MAML2: variants seen among roughly 807,000 people sequenced by gnomAD.
MAML2 encodes the protein mastermind like transcriptional coactivator 2.
MAML2 carries 22 observed loss-of-function variants against 96.1 expected under a neutral mutation model. The ratio of observed to expected loss-of-function variants is 0.23; its 90% CI spans 0.16 to 0.33. The LOEUF (loss-of-function observed/expected upper bound fraction) is 0.33. Ranked by LOEUF, MAML2 falls within the 10% of genes least tolerant of loss-of-function variation. The pLI is 1.00. For missense variants in MAML2, 1,367 were observed against 1,392.4 expected (o/e 0.98, Z 0.29); for synonymous variants, 561 against 521.3 (o/e 1.08, Z -1.04).
intron 1 of MAML2, among the ~76,000 whole-genome samples, chr11:96,270,953 C>T (rs1162376233): frequency 6.6e-6 from 1 of 152,136 alleles, no homozygotes; most frequent in Admixed American, 6.5e-5. Flanking sequence ...AGGCAGAAGA[C>T]GTTGGAAAGA....
At chr11:96,162,092 G>A (rs891679913) in intron 1 of MAML2, among the ~76,000 whole-genome samples, 1 of 151,324 alleles carries the variant, frequency 6.6e-6, no homozygotes, top group Non-Finnish European at 1.5e-5. Flanking sequence ...TGTCTGGTTA[G>A]AGACAGAAGA....
chr11:96,295,428 G>A (rs983607378), intron 1 of MAML2, among the ~76,000 whole-genome samples: 1 of 152,092 alleles, frequency 6.6e-6, no homozygotes, highest in African/African-American at 2.4e-5. Flanking sequence ...TAAATGAGAT[G>A]AACTATAAAC....
intron 2 of MAML2, among the ~76,000 whole-genome samples, chr11:95,997,822 T>C (rs988247696): frequency 2.6e-5 from 4 of 152,192 alleles, no homozygotes; most frequent in Non-Finnish European, 4.4e-5. Context: ...AGAAATTCAC[T>C]GCTCTGTCCC....
At position 96,070,148 on chromosome 11, in the gene MAML2, G is replaced by A. The variant is rs186081232; in HGVS notation, c.2139+21744C>T. On this transcript the variant is annotated intron_variant, in intron 2 of 4. Coordinates refer to ENST00000524717, the MANE Select transcript of MAML2 (RefSeq NM_032427.4). ...CTACTAAAAATACAAAAAATTAGCC[G>A]GCGTGGTGGCGGGCGCCTGTAGTCC... is the stretch of plus-strand genomic sequence containing the variant. Among the ~76,000 whole-genome samples the A allele has an allele frequency of 1.9e-3, 283 of 151,932 alleles. 2 individuals carry two copies. The highest frequency in any genetic ancestry group is 2.9e-3 in the Non-Finnish European group (196 of 67,950).
At chr11:96,078,005 G>C (rs575598143) in intron 2 of MAML2, among the ~76,000 whole-genome samples, 1 of 152,150 alleles carries the variant, frequency 6.6e-6, no homozygotes, top group Non-Finnish European at 1.5e-5. Context: ...CTCCTTTTCT[G>C]TCTTCCCCTG....
intron 1 of MAML2, among the ~76,000 whole-genome samples, chr11:96,228,836 G>A (rs1862250376): frequency 6.6e-6 from 1 of 152,170 alleles, no homozygotes; most frequent in South Asian, 2.1e-4. Flanking sequence ...GCAATTTTGA[G>A]GCCTGCAGAT....
At chr11:96,016,035 C>T (rs1565190246) in intron 2 of MAML2, among the ~76,000 whole-genome samples, 1 of 152,234 alleles carries the variant, frequency 6.6e-6, no homozygotes, top group East Asian at 1.9e-4. Flanking sequence ...TTTGGGGCAT[C>T]ATCAGGTCGC....
chr11:96,115,215 G>A (rs2073436615), intron 1 of MAML2, among the ~76,000 whole-genome samples: 1 of 151,616 alleles, frequency 6.6e-6, no homozygotes, highest in African/African-American at 2.4e-5. Context: ...CCGGGCTGGA[G>A]TACAGTAGCT....
intron 1 of MAML2, among the ~76,000 whole-genome samples, chr11:96,258,171 T>C (rs1862694907): frequency 6.6e-6 from 1 of 152,180 alleles, no homozygotes; most frequent in Non-Finnish European, 1.5e-5. Flanking sequence ...ATGAATAAAA[T>C]ACATTTTCAT....
At chr11:96,112,362 G>A (rs1860143182) in intron 1 of MAML2, among the ~76,000 whole-genome samples, 1 of 152,258 alleles carries the variant, frequency 6.6e-6, no homozygotes, top group Non-Finnish European at 1.5e-5. Flanking sequence ...ATGACCTGGG[G>A]CAGTGTCCAT....
chr11:96,182,194 G>T (rs1861496935), intron 1 of MAML2, among the ~76,000 whole-genome samples: 1 of 93,288 alleles, frequency 1.1e-5, no homozygotes, highest in South Asian at 4.3e-4. Flanking sequence ...GTTTTGGTTT[G>T]TTTGCTTTGT....
chr11:96,089,510 T>C lies in MAML2; in HGVS notation c.2139+2382A>G, dbSNP rs190592756. Among the ~76,000 whole-genome samples, 192 of 152,320 alleles carry C rather than the reference T, an allele frequency of 1.3e-3. 1 individual carries two copies. The highest frequency in any genetic ancestry group is 4.9e-3 in the Admixed American group (75 of 15,300). On this transcript the variant is annotated intron_variant, in intron 2 of 4. Coordinates refer to ENST00000524717, the MANE Select transcript of MAML2 (RefSeq NM_032427.4). The stretch of plus-strand genomic sequence containing the variant: ...CCTGATAGGATGAATGTTACTGTGT[T>C]GGTAATAATCTACCAAATGTGCTAT...
intron 1 of MAML2, among the ~76,000 whole-genome samples, chr11:96,256,378 G>A (rs1247021949): frequency 1.3e-5 from 2 of 152,046 alleles, no homozygotes; most frequent in Non-Finnish European, 2.9e-5. Context: ...CAGTGGCCAC[G>A]CTGATCTCGA....
chr11:96,246,194 G>A (rs1005025584), intron 1 of MAML2, among the ~76,000 whole-genome samples: 1 of 151,964 alleles, frequency 6.6e-6, no homozygotes, highest in African/African-American at 2.4e-5. Context: ...TGAAGCATAG[G>A]GACTCATAAG....
intron 2 of MAML2, among the ~76,000 whole-genome samples, chr11:96,088,082 A>T (rs1859646799): frequency 6.6e-6 from 1 of 152,200 alleles, no homozygotes; most frequent in African/African-American, 2.4e-5. Context: ...GGGGCAGAGA[A>T]CATTAGGAGA....
At chr11:96,013,722 A>T (rs557821093) in intron 2 of MAML2, among the ~76,000 whole-genome samples, 23 of 152,314 alleles carry the variant, frequency 1.5e-4, no homozygotes, top group African/African-American at 5.5e-4. Context: ...TGGCGGGACG[A>T]GGTGGGGCTG....
chr11:96,164,225 T>C (rs996747037), intron 1 of MAML2, among the ~76,000 whole-genome samples: 1 of 152,074 alleles, frequency 6.6e-6, no homozygotes, highest in African/African-American at 2.4e-5. Context: ...TGAAAGAGCA[T>C]TATATTGCCT....
At chr11:96,334,407 T>A (rs1414157983) in intron 1 of MAML2, among the ~76,000 whole-genome samples, 1 of 152,184 alleles carries the variant, frequency 6.6e-6, no homozygotes, top group Non-Finnish European at 1.5e-5. Flanking sequence ...CATTTCACAG[T>A]CGAGAAAACT....
chr11:96,169,230 A>G (rs1406433757), intron 1 of MAML2, among the ~76,000 whole-genome samples: 2 of 152,230 alleles, frequency 1.3e-5, no homozygotes, highest in Non-Finnish European at 2.9e-5. Flanking sequence ...AATGTCAATC[A>G]ATAGCAACAC....
Sources: allele counts gnomAD v4.1 joint callset (sites outside exome capture counted in the v4.1 genomes callset), GRCh38; gene constraint gnomAD v4.1.1; transcripts MANE v1.5; gene names NCBI Gene and HGNC (gene_info 2026-07-23, HGNC 2026-07-21).